PHF11: variants seen among roughly 807,000 people sequenced by gnomAD.
PHF11 encodes PHD finger protein 11.
Under a neutral mutation model 40.5 loss-of-function variants are expected in PHF11, and 38 were observed. The observed-to-expected ratio is 0.94, with a 90% CI of 0.72 to 1.23. PHF11 has a LOEUF of 1.23. PHF11 is among the 50% of genes most tolerant of loss of function. The pLI, the probability that PHF11 is intolerant of heterozygous loss-of-function variation, is 0.00. For synonymous variants in PHF11, 127 were observed against 138.2 expected, an observed-to-expected ratio of 0.92 and a Z score of 0.57; for missense variants, 369 against 392.4, an observed-to-expected ratio of 0.94 and a Z score of 0.50.
intron 2 of PHF11, among the ~76,000 whole-genome samples, chr13:49,511,103 T>C (rs1220010666): frequency 6.6e-6 from 1 of 152,222 alleles, no homozygotes; most frequent in Non-Finnish European, 1.5e-5. Context: ...AGCATACTGT[T>C]TTAGATGCAT....
At chr13:49,518,461 G>A (rs1218920159) in intron 4 of PHF11, 6 of 159,770 alleles carry the variant, frequency 3.8e-5, no homozygotes, top group Non-Finnish European at 8.2e-5. Context: ...CCATTCAGAG[G>A]CTGATGTTTT....
chr13:49,508,120 A>G (rs7319587), intron 2 of PHF11, among the ~76,000 whole-genome samples: 104,334 of 147,260 alleles, frequency 0.71, 37,806 homozygotes, highest in African/African-American at 0.85. Flanking sequence ...TAGAGAGACA[A>G]AACCTGTTAA....
chr13:49,503,013 G>A lies in PHF11; in HGVS notation c.95-3622G>A, dbSNP rs561726052. ...TGCAGGGATTACAGGCGTGAGCACC[G>A]TGCCCGACCAAGATTGACCTTCTTA... is the stretch of plus-strand genomic sequence containing the variant. On this transcript the variant is annotated intron_variant, in intron 1 of 9. Transcript: ENST00000378319. Among the ~76,000 whole-genome samples, 15 of 152,136 alleles carry A rather than the reference G, an allele frequency of 9.9e-5. 1 individual carries two copies. In the South Asian group the frequency reaches 1.7e-3, roughly 17 times the overall value.
intron 1 of PHF11, chr13:49,497,209 G>C: frequency 7.8e-7 from 1 of 1,288,782 alleles, no homozygotes; most frequent in East Asian, 5.5e-5. Context: ...TATACATATG[G>C]ACTGTAAGGT....
At chr13:49,501,255 C>T (rs991812707) in intron 1 of PHF11, among the ~76,000 whole-genome samples, 4 of 152,050 alleles carry the variant, frequency 2.6e-5, no homozygotes, top group East Asian at 3.9e-4. Context: ...TCAGGTGATC[C>T]GCCTGCCTCG....
At chr13:49,508,258 G>A (rs534552303) in intron 2 of PHF11, among the ~76,000 whole-genome samples, 134 of 146,044 alleles carry the variant, frequency 9.2e-4, no homozygotes, top group South Asian at 3.2e-3. Flanking sequence ...TATTATTAAT[G>A]TGTTATGTAT....
At chr13:49,524,262 A>T in intron 8 of PHF11, 46 bp downstream of exon 8, 3 of 1,427,832 alleles carry the variant, frequency 2.1e-6, no homozygotes, top group South Asian at 1.3e-5. Flanking sequence ...CTTCTCCCAG[A>T]TCTAGATTTA....
chr13:49,502,863 C>G (rs982127265), intron 1 of PHF11, among the ~76,000 whole-genome samples: 2 of 152,114 alleles, frequency 1.3e-5, no homozygotes, highest in East Asian at 3.8e-4. Flanking sequence ...GCTGGGATAA[C>G]AGGCATGCAC....
chr13:49,503,499 T>A (rs182802264), intron 1 of PHF11, among the ~76,000 whole-genome samples: 1 of 152,208 alleles, frequency 6.6e-6, no homozygotes, highest in African/African-American at 2.4e-5. Context: ...TCTGCTCTAC[T>A]ATTCACTAGA....
chr13:49,522,513 C>G (rs2139072958), intron 6 of PHF11, among the ~76,000 whole-genome samples: 1 of 152,204 alleles, frequency 6.6e-6, no homozygotes, highest in East Asian at 1.9e-4. Flanking sequence ...CAAGTATTTC[C>G]CAGCTGCATG....
At chr13:49,523,380 C>A (rs1045241070) in intron 7 of PHF11, 139 bp downstream of exon 7, 3 of 635,952 alleles carry the variant, frequency 4.7e-6, no homozygotes, top group African/African-American at 3.7e-5. Flanking sequence ...AAATCTTTAT[C>A]GCAACTGTCC....
At chr13:49,520,359 T>A (rs554655903) in intron 4 of PHF11, among the ~76,000 whole-genome samples, 1 of 152,342 alleles carries the variant, frequency 6.6e-6, no homozygotes, top group South Asian at 2.1e-4. Context: ...ACTTCATTTC[T>A]TCATCATAGC....
intron 1 of PHF11, among the ~76,000 whole-genome samples, chr13:49,501,970 T>C (rs912616691): frequency 4.0e-5 from 6 of 151,662 alleles, no homozygotes; most frequent in Admixed American, 1.3e-4. Context: ...GGATTACAGG[T>C]GTGAGCCACC....
intron 9 of PHF11, 138 bp downstream of exon 9, chr13:49,526,596 A>G: frequency 1.5e-6 from 1 of 651,866 alleles, no homozygotes; most frequent in Non-Finnish European, 2.7e-6. Context: ...AGCCAATTAC[A>G]AAAACAGTAT....
intron 2 of PHF11, 112 bp downstream of exon 2, chr13:49,506,868 G>A (rs1324182805): frequency 2.2e-6 from 1 of 447,292 alleles, no homozygotes; most frequent in African/African-American, 2.2e-5. Context: ...GCCATGGTTT[G>A]AGCTTTTAGG....
intron 3 of PHF11, among the ~76,000 whole-genome samples, chr13:49,514,584 G>C (rs1190763786): frequency 1.3e-5 from 2 of 151,832 alleles, no homozygotes; most frequent in African/African-American, 4.8e-5. Context: ...GTGGGACCCT[G>C]TCTTTACCAA....
At chr13:49,526,049 A>G in intron 8 of PHF11, 1 of 334,684 alleles carries the variant, frequency 3.0e-6, no homozygotes, top group Non-Finnish European at 5.7e-6. Context: ...CGCGCCTGCA[A>G]TCCCAACTAC....
At chr13:49,522,235 AT>A in intron 6 of PHF11, 128 bp downstream of exon 6, 1 of 539,702 alleles carries the variant, frequency 1.9e-6, no homozygotes. Context: ...AACATTCTTC[AT>A]TTGTGTTCTC....
chr13:49,526,574 T>C (rs1163075625), intron 9 of PHF11, 116 bp downstream of exon 9: 7 of 714,504 alleles, frequency 9.8e-6, no homozygotes, highest in Non-Finnish European at 1.7e-5. Context: ...CATTGTTTTC[T>C]TAAATGAGAA....
Sources: allele counts gnomAD v4.1 joint callset (sites outside exome capture counted in the v4.1 genomes callset), GRCh38; gene constraint gnomAD v4.1.1; transcripts MANE v1.5; gene names NCBI Gene and HGNC (gene_info 2026-07-23, HGNC 2026-07-21).